The following PDLIM4 variants were observed in gnomAD, a reference collection of about 807,000 sequenced individuals.
The protein encoded by PDLIM4 is PDZ and LIM domain 4, also known as PDZ and LIM domain protein 4.
In PDLIM4, 19 loss-of-function variants were observed where a neutral mutation model predicts 31.3. That is an observed-to-expected ratio of 0.61 (90% CI 0.42 to 0.89). PDLIM4 has a LOEUF of 0.89. Ranked by LOEUF, PDLIM4 falls within the 40% of genes least tolerant of loss-of-function variation. The pLI, the probability that PDLIM4 is intolerant of heterozygous loss-of-function variation, is 0.00. For synonymous variants in PDLIM4, 176 were observed against 190.1 expected, an observed-to-expected ratio of 0.93 and a Z score of 0.61; for missense variants, 442 against 461.1, an observed-to-expected ratio of 0.96 and a Z score of 0.38.
intron 5 of PDLIM4, 24 bp from the exon 6 acceptor site, chr5:132,271,767 T>C: frequency 6.7e-7 from 1 of 1,499,722 alleles, no homozygotes; most frequent in Non-Finnish European, 9.3e-7. Flanking sequence ...ACCCCGTTCA[T>C]GCCACCTACG....
At position 132,272,286 on chromosome 5, in the gene PDLIM4, A is replaced by G; in HGVS notation, c.*57A>G. ...AGGTCCCTGCTCGGCCGGTGTAAAT[A>G]TGTTTCACCCTGTCCCTCTAATAAA... is the stretch of plus-strand genomic sequence containing the variant. On this transcript the variant is annotated 3_prime_UTR_variant, in exon 7 of 7. Coordinates refer to ENST00000253754, the MANE Select transcript of PDLIM4 (RefSeq NM_003687.4). 7.2e-7 allele frequency: 1 copy of G among 1,391,968 alleles called. No homozygotes were observed. The highest frequency in any genetic ancestry group is 1.0e-6 in the Non-Finnish European group (1 of 986,018). The allele number at this position is 1,391,968 out of a possible 1,614,324, so 86.2% of individuals were successfully genotyped here.
At position 132,271,327 on chromosome 5, in the gene PDLIM4, G is replaced by A. The variant is rs147858379; in HGVS notation, c.531G>A (p.Pro177=). The A allele has an allele frequency of 1.1e-3, 1,733 of 1,597,092 alleles. 38 individuals carry two copies. The East Asian group carries it at 0.036, about 33-fold the overall frequency. ...PPSADPARGL[P]RSRDCRVDLG... ...GCGCTGACCCAGCCAGAGGCCTCCC[G>A]CGGAGCCGGGACTGCAGAGTCGACC... Residue 177 remains proline, a synonymous_variant, in exon 5 of 7, where the codon CCG becomes CCA. Coordinates refer to ENST00000253754, the MANE Select transcript of PDLIM4 (RefSeq NM_003687.4).
At chr5:132,271,982 C>T (rs747830216) in intron 6 of PDLIM4, 43 bp from the exon 7 acceptor site, 1 of 1,602,058 alleles carries the variant, frequency 6.2e-7, no homozygotes, top group Non-Finnish European at 8.6e-7. Context: ...AGTCGTGAAC[C>T]CATCAGTCAC....
intron 3 of PDLIM4, 79 bp downstream of exon 3, chr5:132,266,624 A>ATG: frequency 1.4e-5 from 13 of 901,848 alleles, no homozygotes; most frequent in Non-Finnish European, 2.1e-5. Context: ...GTTCACCTGC[A>ATG]CTGAATGTCC....
At chr5:132,260,968 C>T (rs1015401152) in intron 1 of PDLIM4, among the ~76,000 whole-genome samples, 2 of 152,206 alleles carry the variant, frequency 1.3e-5, no homozygotes, top group African/African-American at 2.4e-5. Context: ...CGCAGTTAGC[C>T]GCCCCCTGAA....
At chr5:132,269,337 G>A (rs957485945) in intron 3 of PDLIM4, among the ~76,000 whole-genome samples, 1 of 151,532 alleles carries the variant, frequency 6.6e-6, no homozygotes, top group Non-Finnish European at 1.5e-5. Flanking sequence ...GCCTCTGCCC[G>A]GAGGCTGAGC....
chr5:132,267,784 T>C (rs1442163709), intron 3 of PDLIM4, among the ~76,000 whole-genome samples: 1 of 152,162 alleles, frequency 6.6e-6, no homozygotes, highest in Non-Finnish European at 1.5e-5. Flanking sequence ...AGAAAGGCTC[T>C]TGGGCTTCTC....
chr5:132,263,527 C>T (rs1411301034), intron 2 of PDLIM4, among the ~76,000 whole-genome samples: 1 of 152,088 alleles, frequency 6.6e-6, no homozygotes, highest in African/African-American at 2.4e-5. Context: ...TGGGGGGACC[C>T]AGCCTTGCTC....
chr5:132,267,958 G>A (rs1469049410), intron 3 of PDLIM4, among the ~76,000 whole-genome samples: 5 of 152,224 alleles, frequency 3.3e-5, no homozygotes, highest in African/African-American at 4.8e-5. Context: ...GAGCAGCAGG[G>A]TGTGGGCCTC....
chr5:132,270,604 T>A (rs970389249), intron 3 of PDLIM4: 1 of 470,062 alleles, frequency 2.1e-6, no homozygotes, highest in Non-Finnish European at 3.9e-6. Flanking sequence ...CCCAGTACTG[T>A]CCCTTCCTGA....
rs528868472 is a variant in PDLIM4, at chr5:132,265,369, G to A, written c.246-1095G>A. ...CTTTATCCCAGAGGAGTTCTGAGTA[G>A]ATAGAGGCCACAGTTAGAGCTGTGA... On this transcript the variant is annotated intron_variant, in intron 2 of 6. Coordinates refer to ENST00000253754, the MANE Select transcript of PDLIM4 (RefSeq NM_003687.4). Among the ~76,000 whole-genome samples the A allele has an allele frequency of 2.9e-4, 44 of 152,328 alleles. No homozygotes were observed. The South Asian group carries it at 8.1e-3, about 28-fold the overall frequency.
At chr5:132,270,439 A>G (rs548416368) in intron 3 of PDLIM4, 1 of 162,772 alleles carries the variant, frequency 6.1e-6, no homozygotes, top group Non-Finnish European at 1.3e-5. Flanking sequence ...ACTGTAGGAC[A>G]GGAGTTACGT....
rs147881373 is a variant in PDLIM4 at position 132,267,487 on chromosome 5, C to T, written c.327+942C>T. 2.8e-4 allele frequency among the ~76,000 whole-genome samples: 43 copies of T among 152,306 alleles called. 1 individual carries two copies. The highest frequency in any genetic ancestry group is 3.4e-3 in the Middle Eastern group (1 of 294). On this transcript the variant is annotated intron_variant, in intron 3 of 6. Transcript: ENST00000253754. ...TGCCCATTCTGGCAGGGGAAAGGCACTTAGAAGTTCTGGGCTAGGGGAAGC... is the reference window on the plus strand; with the variant it reads ...TGCCCATTCTGGCAGGGGAAAGGCATTTAGAAGTTCTGGGCTAGGGGAAGC...
At chr5:132,268,858 C>T (rs1396253867) in intron 3 of PDLIM4, among the ~76,000 whole-genome samples, 1 of 152,164 alleles carries the variant, frequency 6.6e-6, no homozygotes, top group African/African-American at 2.4e-5. Flanking sequence ...CTTCAACAAC[C>T]AAGTGGGCAG....
At position 132,272,823 on chromosome 5, in the gene PDLIM4, A is replaced by G. The variant is rs1244938514; in HGVS notation, c.*594A>G. On this transcript the variant is annotated 3_prime_UTR_variant, in exon 7 of 7. Transcript: ENST00000253754. Reference sequence around the variant, plus strand: ...CGCGGGCCGTCTGCACTTCTGTTCCAGGTTTTTCTGGCATTTTCTGTTCCA... The same window carrying G: ...CGCGGGCCGTCTGCACTTCTGTTCCGGGTTTTTCTGGCATTTTCTGTTCCA... 1.9e-5 allele frequency: 3 copies of G among 154,914 alleles called. No individual in the cohort carries two copies. Among genetic ancestry groups the G allele is most frequent in the Admixed American group, 1.9e-4 (3 of 15,842 alleles). The allele number at this position is 154,914 out of a possible 1,614,324, so 9.6% of individuals were successfully genotyped here. A position where few individuals can be genotyped will look rare whatever the true frequency, so the allele number is the denominator to read the frequency against.
intron 6 of PDLIM4, 53 bp downstream of exon 6, chr5:132,271,961 G>C (rs1190057851): frequency 1.3e-6 from 2 of 1,593,914 alleles, no homozygotes; most frequent in African/African-American, 2.7e-5. Context: ...CAGGGCCCTG[G>C]ATGCGGGCGC....
chr5:132,270,262 T>G (rs949591331), intron 3 of PDLIM4, among the ~76,000 whole-genome samples: 11 of 152,184 alleles, frequency 7.2e-5, no homozygotes, highest in African/African-American at 2.7e-4. Context: ...CCTAGCCTGG[T>G]CTCTGCCCCT....
chr5:132,270,834 CACAGCAGGG>C, intron 3 of PDLIM4, 72 bp from the exon 4 acceptor site: 1 of 1,283,276 alleles, frequency 7.8e-7, no homozygotes, highest in Non-Finnish European at 1.1e-6. Flanking sequence ...CCTGGCACAG[CACAGCAGGG>C]TGGGGGTGGG....
At position 132,270,962 on chromosome 5, in the gene PDLIM4, G is replaced by A. The variant is rs1756594565; in HGVS notation, c.375G>A (p.Gly125=). ...TSRRPSGTGT[G]PEDGRPSLGS... The stretch of plus-strand genomic sequence containing the variant: ...GGCGGCCCTCAGGCACCGGGACTGG[G>A]CCAGAAGATGGCAGACCAAGCCTGG... Residue 125 remains glycine, a synonymous_variant, in exon 4 of 7, where the codon GGG becomes GGA. Transcript: ENST00000253754. 2 of 1,614,122 alleles carry A rather than the reference G, an allele frequency of 1.2e-6. No individual in the cohort carries two copies. The highest frequency in any genetic ancestry group is 4.5e-5 in the East Asian group (2 of 44,876).
Sources: gnomAD v4.1 joint callset for allele counts (sites outside exome capture counted in the v4.1 genomes callset) on GRCh38, gnomAD v4.1.1 for gene constraint, MANE v1.5 for transcripts, NCBI Gene and HGNC (gene_info 2026-07-23, HGNC 2026-07-21) for gene names.